The following CNTN4 variants were observed in gnomAD, a reference collection of about 807,000 sequenced individuals.
The protein encoded by CNTN4 is contactin-4.
CNTN4 carries 77 observed loss-of-function variants against 122.5 expected under a neutral mutation model. That is an observed-to-expected ratio of 0.63 (90% CI 0.52 to 0.76). The LOEUF (loss-of-function observed/expected upper bound fraction) is 0.76. Among genes scored for constraint, CNTN4 ranks in the 30% least tolerant of loss-of-function variants. The pLI, the probability that CNTN4 is intolerant of heterozygous loss-of-function variation, is 0.00. For missense variants in CNTN4, 1,256 were observed against 1,259.1 expected, an observed-to-expected ratio of 1.00 and a Z score of 0.04; for synonymous variants, 512 against 447.0, an observed-to-expected ratio of 1.15 and a Z score of -1.83.
intron 4 of CNTN4, among the ~76,000 whole-genome samples, chr3:2,662,329 G>A (rs1484493626): frequency 3.3e-5 from 5 of 152,196 alleles, no homozygotes; most frequent in Non-Finnish European, 7.3e-5. Context: ...ATTCAATGGA[G>A]GAGAGTGGCA....
chr3:2,774,348 C>T (rs2091228623), intron 6 of CNTN4, among the ~76,000 whole-genome samples: 2 of 152,096 alleles, frequency 1.3e-5, no homozygotes, highest in African/African-American at 4.8e-5. Flanking sequence ...AATCTTCTTG[C>T]CTTCTGATCA....
chr3:2,300,988 A>G (rs960148331), intron 2 of CNTN4, among the ~76,000 whole-genome samples: 5 of 152,202 alleles, frequency 3.3e-5, no homozygotes, highest in African/African-American at 1.2e-4. Context: ...GTGACAGCTT[A>G]GTAAATGATC....
At chr3:2,652,727 T>A (rs2150208964) in intron 4 of CNTN4, among the ~76,000 whole-genome samples, 1 of 152,240 alleles carries the variant, frequency 6.6e-6, no homozygotes, top group East Asian at 1.9e-4. Flanking sequence ...CTTAGTATGG[T>A]ATGTGATTTT....
At chr3:2,386,237 T>C (rs953839445) in intron 3 of CNTN4, among the ~76,000 whole-genome samples, 3 of 151,384 alleles carry the variant, frequency 2.0e-5, no homozygotes, top group African/African-American at 7.2e-5. Context: ...AACATTTGCT[T>C]GAATTCTGAC....
At chr3:2,483,541 C>A (rs1038243665) in intron 3 of CNTN4, among the ~76,000 whole-genome samples, 2 of 152,094 alleles carry the variant, frequency 1.3e-5, no homozygotes, top group African/African-American at 4.8e-5. Context: ...GTGTTTCCAC[C>A]CAAACTTCAT....
At chr3:2,349,855 G>A (rs62244024) in intron 3 of CNTN4, among the ~76,000 whole-genome samples, 19,303 of 152,070 alleles carry the variant, frequency 0.13, 1,511 homozygotes, top group Non-Finnish European at 0.18. Context: ...AGAGAAATTG[G>A]AGAAGCTTAA....
chr3:2,480,411 C>G (rs2075958532), intron 3 of CNTN4, among the ~76,000 whole-genome samples: 6 of 152,078 alleles, frequency 3.9e-5, no homozygotes, highest in Admixed American at 3.3e-4. Flanking sequence ...ATAATTGTAA[C>G]CGAGATGCAG....
intron 3 of CNTN4, among the ~76,000 whole-genome samples, chr3:2,381,887 G>C (rs938819839): frequency 2.0e-5 from 3 of 151,906 alleles, no homozygotes; most frequent in African/African-American, 7.3e-5. Context: ...AAGGTGCAAG[G>C]TTCTAAGACC....
intron 4 of CNTN4, among the ~76,000 whole-genome samples, chr3:2,691,899 C>T (rs895361783): frequency 5.3e-5 from 8 of 152,086 alleles, no homozygotes; most frequent in Admixed American, 3.3e-4. Context: ...GACCTTTGTT[C>T]GTTAGCACAG....
At chr3:2,381,702 C>T (rs1021740440) in intron 3 of CNTN4, among the ~76,000 whole-genome samples, 1 of 152,216 alleles carries the variant, frequency 6.6e-6, no homozygotes, top group South Asian at 2.1e-4. Context: ...TATAAAAAGT[C>T]TCCATTCTTT....
At chr3:2,509,642 A>G (rs2076828572) in intron 3 of CNTN4, among the ~76,000 whole-genome samples, 1 of 152,162 alleles carries the variant, frequency 6.6e-6, no homozygotes. Context: ...TTGGGAGAGA[A>G]TACTTTTCTA....
intron 3 of CNTN4, among the ~76,000 whole-genome samples, chr3:2,499,547 T>C (rs367596907): frequency 1.3e-5 from 2 of 152,118 alleles, no homozygotes; most frequent in African/African-American, 4.8e-5. Context: ...TGGGTGGATT[T>C]GTATTGGGTC....
chr3:2,165,228 C>T (rs141108250), intron 2 of CNTN4, among the ~76,000 whole-genome samples: 2 of 151,742 alleles, frequency 1.3e-5, no homozygotes, highest in East Asian at 1.9e-4. Context: ...GAGGCTGAGG[C>T]AGGAGAATTG....
rs1396978650 is a variant in CNTN4, at chr3:2,709,747, C to G, written c.56-26468C>G. Among the ~76,000 whole-genome samples the G allele has an allele frequency of 2.0e-5, 3 of 151,976 alleles. No individual in the cohort carries two copies. Among genetic ancestry groups the G allele is most frequent in the Non-Finnish European group, 4.4e-5 (3 of 67,996 alleles). On this transcript the variant is annotated intron_variant, in intron 4 of 24. Coordinates refer to ENST00000418658, the MANE Select transcript of CNTN4 (RefSeq NM_175607.3). This position sits in a 1 kb window ranked among gnomAD's most constrained non-coding sequence, Gnocchi z 5.0. ...TGGCCAACATGGTGAAACCCTCTCT[C>G]TACTAAAAATACAAAAATTAGCCAG...
At chr3:2,573,711 A>G (rs2079531159) in intron 4 of CNTN4, among the ~76,000 whole-genome samples, 1 of 152,134 alleles carries the variant, frequency 6.6e-6, no homozygotes, top group Non-Finnish European at 1.5e-5. Context: ...AACTGTATCT[A>G]TTTTATTCAC....
At chr3:2,957,821 T>C (rs1257304558) in intron 13 of CNTN4, among the ~76,000 whole-genome samples, 2 of 152,204 alleles carry the variant, frequency 1.3e-5, no homozygotes, top group South Asian at 2.1e-4. Context: ...TGTTGCATTT[T>C]CTCTATCCAG....
At chr3:2,270,301 G>C (rs1277668560) in intron 2 of CNTN4, among the ~76,000 whole-genome samples, 1 of 152,066 alleles carries the variant, frequency 6.6e-6, no homozygotes, top group East Asian at 1.9e-4. Context: ...ATATATACAG[G>C]TTTGTTATAT....
chr3:2,207,994 T>C (rs2038440093), intron 2 of CNTN4, among the ~76,000 whole-genome samples: 1 of 152,128 alleles, frequency 6.6e-6, no homozygotes, highest in Non-Finnish European at 1.5e-5. Flanking sequence ...ACCTAAGAGC[T>C]CTGATGGAGA....
intron 3 of CNTN4, among the ~76,000 whole-genome samples, chr3:2,373,248 A>C (rs1035013369): frequency 7.2e-5 from 11 of 152,170 alleles, no homozygotes; most frequent in Non-Finnish European, 1.2e-4. Flanking sequence ...GGTAGGCCCC[A>C]CGTGGGTTAA....
Sources: gnomAD v4.1 joint callset for allele counts (sites outside exome capture counted in the v4.1 genomes callset) on GRCh38, gnomAD v4.1.1 for gene constraint, Gnocchi (gnomAD v3.1) non-coding constraint, MANE v1.5 for transcripts, NCBI Gene and HGNC (gene_info 2026-07-23, HGNC 2026-07-21) for gene names.